Variants in DHRS11 observed in about 807,000 individuals in gnomAD.
The protein encoded by DHRS11 is dehydrogenase/reductase 11.
In DHRS11, 18 loss-of-function variants were observed where a neutral mutation model predicts 30.7. That is an observed-to-expected ratio of 0.59 (90% CI 0.41 to 0.87). The LOEUF (loss-of-function observed/expected upper bound fraction) is 0.87. Among genes scored for constraint, DHRS11 ranks in the 40% least tolerant of loss-of-function variants. The pLI is 0.00. For missense variants in DHRS11, 300 were observed against 349.0 expected (o/e 0.86, Z 1.12); for synonymous variants, 123 against 139.6 (o/e 0.88, Z 0.84).
chr17:36,593,509 T>G (rs973526586), intron 1 of DHRS11, among the ~76,000 whole-genome samples: 1 of 152,100 alleles, frequency 6.6e-6, no homozygotes, highest in Non-Finnish European at 1.5e-5. Flanking sequence ...AAAGCTGCAG[T>G]CTTCCTTGCC....
At chr17:36,595,355 G>A (rs2074801888) in intron 2 of DHRS11, among the ~76,000 whole-genome samples, 175 bp downstream of exon 2, 1 of 149,438 alleles carries the variant, frequency 6.7e-6, no homozygotes, top group Non-Finnish European at 1.5e-5. Context: ...GAGGGATAGA[G>A]AGTGGATGAA....
intron 2 of DHRS11, 54 bp downstream of exon 2, chr17:36,595,234 A>C: frequency 6.2e-7 from 1 of 1,601,692 alleles, no homozygotes; most frequent in Non-Finnish European, 8.5e-7. Context: ...GAGAGAGGGG[A>C]GCCAGGGGTT....
chr17:36,592,272 T>A lies in DHRS11; in HGVS notation c.147+116T>A. ...AGTCGGGGCGGCCTCTCGGATCCCT[T>A]AAGGCAGGCTTCTCCCTTCCCCTTA... is the stretch of plus-strand genomic sequence containing the variant. On this transcript the variant is annotated intron_variant, in intron 1 of 6. Coordinates refer to ENST00000618403, the MANE Select transcript of DHRS11 (RefSeq NM_024308.4). The surrounding 1 kb of genome is among the most constrained non-coding windows in gnomAD (Gnocchi z 4.4). 8.6e-7 allele frequency: 1 copy of A among 1,169,324 alleles called. No homozygotes were observed. The highest frequency in any genetic ancestry group is 1.1e-6 in the Non-Finnish European group (1 of 932,760). The allele number at this position is 1,169,324 out of a possible 1,614,324, so 72.4% of individuals were successfully genotyped here. A position where few individuals can be genotyped will look rare whatever the true frequency, so the allele number is the denominator to read the frequency against.
Position 36,591,968 on chromosome 17 carries a change from G to A in DHRS11, c.-42G>A. ...GCCGGGCGTCAGCTCCTCGACCCCC[G>A]TGTCGGGCTAGTCCAGCGAGGCGGA... On this transcript the variant is annotated 5_prime_UTR_variant, in exon 1 of 7. It adds an upstream start codon to the 5' untranslated region. Coordinates refer to ENST00000618403, the MANE Select transcript of DHRS11 (RefSeq NM_024308.4). The A allele has an allele frequency of 8.2e-7, 1 of 1,222,646 alleles. No individual in the cohort carries two copies. Among genetic ancestry groups the A allele is most frequent in the Non-Finnish European group, 1.0e-6 (1 of 982,300 alleles). The allele number at this position is 1,222,646 out of a possible 1,614,324, so 75.7% of individuals were successfully genotyped here. A position where few individuals can be genotyped will look rare whatever the true frequency, so the allele number is the denominator to read the frequency against.
intron 3 of DHRS11, chr17:36,598,713 G>A: frequency 3.4e-6 from 2 of 591,890 alleles, no homozygotes; most frequent in South Asian, 2.3e-5. Flanking sequence ...CGTCAGCTTA[G>A]GGATGAGTTC....
chr17:36,597,822 T>C (rs1310485502), intron 2 of DHRS11: 4 of 398,932 alleles, frequency 1.0e-5, no homozygotes, highest in Non-Finnish European at 1.8e-5. Context: ...TGATTCCCTA[T>C]GGAATTAGAG....
Position 36,600,539 on chromosome 17 carries a change from C to T in DHRS11, c.*336C>T, listed in dbSNP as rs1220940657. Reference sequence around the variant, plus strand: ...AAATCCCCATCTTCTTGCACCTCAACGTCTGTGGCTCAGGGCTGGGGTGGC... The same window carrying T: ...AAATCCCCATCTTCTTGCACCTCAATGTCTGTGGCTCAGGGCTGGGGTGGC... On this transcript the variant is annotated 3_prime_UTR_variant, in exon 7 of 7. Transcript: ENST00000618403. 7 of 483,982 alleles carry T rather than the reference C, an allele frequency of 1.4e-5. No individual in the cohort carries two copies. Among genetic ancestry groups the T allele is most frequent in the Middle Eastern group, 1.1e-3 (2 of 1,762 alleles). 30.0% of individuals were successfully genotyped at this position (483,982 alleles called of 1,614,324 possible).
intron 1 of DHRS11, 76 bp from the exon 2 acceptor site, chr17:36,594,895 G>T: frequency 6.6e-7 from 1 of 1,503,972 alleles, no homozygotes; most frequent in Non-Finnish European, 9.2e-7. Flanking sequence ...TGTGACGGGG[G>T]TCGGGGTCTG....
At chr17:36,594,126 G>A (rs2142812196) in intron 1 of DHRS11, among the ~76,000 whole-genome samples, 1 of 152,250 alleles carries the variant, frequency 6.6e-6, no homozygotes, top group East Asian at 1.9e-4. Flanking sequence ...CCTCCTTTAG[G>A]TAGGGAGAGA....
chr17:36,599,181 G>GAGCAGCAGCACCCA, intron 4 of DHRS11, 131 bp downstream of exon 4: 4 of 1,357,900 alleles, frequency 2.9e-6, no homozygotes, highest in Non-Finnish European at 2.9e-6. Context: ...CACAGAACTG[G>GAGCAGCAGCACCCA]GTGCTGCTGC....
intron 3 of DHRS11, 119 bp downstream of exon 3, chr17:36,598,376 A>G (rs1185582046): frequency 6.2e-5 from 56 of 907,226 alleles, no homozygotes; most frequent in Non-Finnish European, 9.5e-5. Flanking sequence ...TAATACCTGA[A>G]TGGCACAATT....
At chr17:36,599,291 G>A (rs907512346) in intron 4 of DHRS11, 2 of 635,738 alleles carry the variant, frequency 3.1e-6, no homozygotes, top group African/African-American at 3.7e-5. Context: ...CTGACCTGAG[G>A]GAAAGCAAGG....
chr17:36,596,629 T>C, intron 2 of DHRS11: 2 of 355,378 alleles, frequency 5.6e-6, no homozygotes, highest in Non-Finnish European at 1.1e-5. Flanking sequence ...TAAATGAAAC[T>C]TTCCAGTACA....
At chr17:36,594,546 C>A in intron 1 of DHRS11, 1 of 216,770 alleles carries the variant, frequency 4.6e-6, no homozygotes, top group Non-Finnish European at 9.4e-6. Flanking sequence ...GATTCTTGTG[C>A]CTCAGCCTCC....
In DHRS11 at chr17:36,600,427, T is replaced by C. The variant is rs1468297318; in HGVS notation, c.*224T>C. The C allele has an allele frequency of 3.9e-5, 24 of 615,496 alleles. 1 individual carries two copies. Among genetic ancestry groups the C allele is most frequent in the South Asian group, 3.8e-4 (19 of 50,202 alleles). 38.1% of individuals were successfully genotyped at this position (615,496 alleles called of 1,614,324 possible). A position where few individuals can be genotyped will look rare whatever the true frequency, so the allele number is the denominator to read the frequency against. On this transcript the variant is annotated 3_prime_UTR_variant, in exon 7 of 7. Transcript: ENST00000618403. ...GAGGTGGTGTCCCTAATTGTTTTAC[T>C]TGTTAACTTGTTCTTGTGCCCCTGG...
At chr17:36,597,740 T>G in intron 2 of DHRS11, 2 of 261,108 alleles carry the variant, frequency 7.7e-6, no homozygotes, top group East Asian at 1.4e-4. Flanking sequence ...TTTTGAGCAG[T>G]TTAGGAGGGA....
intron 1 of DHRS11, 85 bp from the exon 2 acceptor site, chr17:36,594,886 G>C: frequency 7.1e-7 from 1 of 1,415,346 alleles, no homozygotes; most frequent in Non-Finnish European, 9.9e-7. Flanking sequence ...TTTTATGAGT[G>C]TGACGGGGGT....
chr17:36,591,956 T>A lies in DHRS11; in HGVS notation c.-54T>A, dbSNP rs1183934671. On this transcript the variant is annotated 5_prime_UTR_variant, in exon 1 of 7. Coordinates refer to ENST00000618403, the MANE Select transcript of DHRS11 (RefSeq NM_024308.4). Reference sequence around the variant, plus strand: ...GGCAGGAGAGCGGCCGGGCGTCAGCTCCTCGACCCCCGTGTCGGGCTAGTC... The same window carrying A: ...GGCAGGAGAGCGGCCGGGCGTCAGCACCTCGACCCCCGTGTCGGGCTAGTC... The A allele has an allele frequency of 8.2e-7, 1 of 1,220,890 alleles. No homozygotes were observed. The highest frequency in any genetic ancestry group is 1.0e-6 in the Non-Finnish European group (1 of 981,150). The allele number at this position is 1,220,890 out of a possible 1,614,324, so 75.6% of individuals were successfully genotyped here. A position where few individuals can be genotyped will look rare whatever the true frequency, so the allele number is the denominator to read the frequency against.
rs1438654123 is a variant in DHRS11 at position 36,592,657 on chromosome 17, A to G, written c.147+501A>G. Among the ~76,000 whole-genome samples the G allele has an allele frequency of 6.6e-6, 1 of 152,208 alleles. No individual in the cohort carries two copies. Among genetic ancestry groups the G allele is most frequent in the East Asian group, 1.9e-4 (1 of 5,186 alleles). On this transcript the variant is annotated intron_variant, in intron 1 of 6. Coordinates refer to ENST00000618403, the MANE Select transcript of DHRS11 (RefSeq NM_024308.4). This position sits in a 1 kb window ranked among gnomAD's most constrained non-coding sequence, Gnocchi z 4.4. Reference sequence around the variant, plus strand: ...GGCATGAGGAATGAATGGAATATTCATTAGTGGGCCCTCCTCCACTCTCCT... The same window carrying G: ...GGCATGAGGAATGAATGGAATATTCGTTAGTGGGCCCTCCTCCACTCTCCT...
Sources: gnomAD v4.1 joint callset for allele counts (sites outside exome capture counted in the v4.1 genomes callset) on GRCh38, gnomAD v4.1.1 for gene constraint, Gnocchi (gnomAD v3.1) non-coding constraint, MANE v1.5 for transcripts, NCBI Gene and HGNC (gene_info 2026-07-23, HGNC 2026-07-21) for gene names.